AASDH: variants seen among roughly 807,000 people sequenced by gnomAD.
AASDH encodes beta-alanine-activating enzyme.
AASDH carries 81 observed loss-of-function variants against 102.3 expected under a neutral mutation model. That is an observed-to-expected ratio of 0.79 (90% confidence interval 0.66 to 0.95). The LOEUF (loss-of-function observed/expected upper bound fraction) is 0.95. Ranked by LOEUF, AASDH falls within the 40% of genes least tolerant of loss-of-function variation. The pLI, the probability that AASDH is intolerant of heterozygous loss-of-function variation, is 0.00. For missense variants in AASDH, 1,203 were observed against 1,266.2 expected (o/e 0.95, Z 0.76); for synonymous variants, 398 against 454.0 (o/e 0.88, Z 1.57).
At chr4:56,381,649 T>TCACACGCACACACACA (rs1752969933) in intron 3 of AASDH, 2 of 142,304 alleles carry the variant, frequency 1.4e-5, no homozygotes, top group African/African-American at 5.3e-5. Flanking sequence ...TTGACACTTC[T>TCACACGCACACACACA]CACACACACA....
intron 1 of AASDH, among the ~76,000 whole-genome samples, chr4:56,385,781 T>C (rs1410853670): frequency 2.0e-5 from 3 of 151,730 alleles, no homozygotes; most frequent in Admixed American, 2.0e-4. Context: ...TTTTTGTTAT[T>C]TTTTTTTAAG....
intron 5 of AASDH, among the ~76,000 whole-genome samples, chr4:56,358,163 A>ATG (rs994518537): frequency 6.6e-6 from 1 of 152,008 alleles, no homozygotes; most frequent in Non-Finnish European, 1.5e-5. Flanking sequence ...ATATATATAT[A>ATG]GAAATACAAT....
intron 11 of AASDH, among the ~76,000 whole-genome samples, chr4:56,346,907 G>T (rs1199032672): frequency 6.6e-6 from 1 of 151,988 alleles, no homozygotes; most frequent in East Asian, 1.9e-4. Flanking sequence ...GCCAGGTGTG[G>T]TGGTGTATCT....
At chr4:56,350,978 G>A (rs769918552) in intron 10 of AASDH, among the ~76,000 whole-genome samples, 2 of 152,156 alleles carry the variant, frequency 1.3e-5, no homozygotes, top group Non-Finnish European at 2.9e-5. Flanking sequence ...TAAGCCCTAA[G>A]TATAACAGAC....
chr4:56,359,713 C>T (rs567818608), intron 5 of AASDH, among the ~76,000 whole-genome samples: 24 of 152,170 alleles, frequency 1.6e-4, no homozygotes, highest in East Asian at 9.7e-4. Flanking sequence ...CATGCACCAC[C>T]GTGCCCAGCT....
At chr4:56,359,040 T>C (rs1227124256) in intron 5 of AASDH, among the ~76,000 whole-genome samples, 2 of 152,150 alleles carry the variant, frequency 1.3e-5, no homozygotes, top group African/African-American at 4.8e-5. Flanking sequence ...AAAGTACTTA[T>C]TGATATACTG....
intron 11 of AASDH, among the ~76,000 whole-genome samples, chr4:56,346,736 G>T (rs923300998): frequency 4.6e-5 from 7 of 152,142 alleles, no homozygotes; most frequent in Non-Finnish European, 7.4e-5. Flanking sequence ...TACACAGAGA[G>T]CAAATGAGGT....
Position 56,345,307 on chromosome 4 carries a change from C to T in AASDH, c.2489-17G>A. 6.2e-7 allele frequency: 1 copy of T among 1,604,692 alleles called. No individual in the cohort carries two copies. Among genetic ancestry groups the T allele is most frequent in the Non-Finnish European group, 8.5e-7 (1 of 1,172,130 alleles). Reference sequence around the variant, plus strand: ...TATAACAGCCTACCAAGAAACAAAGCACAAAAGATTTGATATAGATATATT... The same window carrying T: ...TATAACAGCCTACCAAGAAACAAAGTACAAAAGATTTGATATAGATATATT... On this transcript the variant is annotated splice_polypyrimidine_tract_variant and intron_variant, in intron 11 of 14. Coordinates refer to ENST00000205214, the MANE Select transcript of AASDH (RefSeq NM_181806.4).
intron 13 of AASDH, 51 bp from the exon 14 acceptor site, chr4:56,343,017 G>T (rs1423303471): frequency 1.4e-6 from 2 of 1,459,448 alleles, no homozygotes; most frequent in Non-Finnish European, 9.1e-7. Flanking sequence ...CTACTAATCA[G>T]TTACCCTTTA....
rs895219634 is a variant in AASDH at position 56,384,423 on chromosome 4, A to C, written c.-42-82T>G. 35 of 634,868 alleles carry C rather than the reference A, an allele frequency of 5.5e-5. 1 individual carries two copies. In the South Asian group the frequency reaches 7.2e-4, roughly 13 times the overall value. 39.3% of individuals were successfully genotyped at this position (634,868 alleles called of 1,614,324 possible). Reference sequence around the variant, plus strand: ...GACAGGGAAAAACTTCTCTACAATAATATCTCACAAAAATAATTATATCAA... The same window carrying C: ...GACAGGGAAAAACTTCTCTACAATACTATCTCACAAAAATAATTATATCAA... On this transcript the variant is annotated intron_variant, in intron 1 of 14. Transcript: ENST00000205214.
intron 11 of AASDH, among the ~76,000 whole-genome samples, chr4:56,347,482 G>C (rs1488309533): frequency 2.6e-5 from 4 of 152,190 alleles, no homozygotes; most frequent in Admixed American, 6.5e-5. Context: ...AGAGTAAAAA[G>C]AGAGTTGTAG....
intron 11 of AASDH, among the ~76,000 whole-genome samples, chr4:56,346,593 C>T (rs1372972588): frequency 2.0e-5 from 3 of 152,072 alleles, no homozygotes; most frequent in Non-Finnish European, 4.4e-5. Flanking sequence ...ACACAAGCCC[C>T]AGACTGAGAG....
At chr4:56,343,737 T>C in intron 12 of AASDH, 53 bp from the exon 13 acceptor site, 3 of 1,539,548 alleles carry the variant, frequency 1.9e-6, no homozygotes, top group Non-Finnish European at 2.7e-6. Flanking sequence ...AACAAATCCA[T>C]ATAACCTACC....
intron 9 of AASDH, among the ~76,000 whole-genome samples, chr4:56,352,025 C>A (rs1421711152): frequency 1.3e-5 from 2 of 151,614 alleles, no homozygotes; most frequent in South Asian, 2.1e-4. Flanking sequence ...GCAATTACTG[C>A]ATGTTGAAGT....
At chr4:56,373,069 T>C (rs1387065774) in intron 4 of AASDH, among the ~76,000 whole-genome samples, 2 of 152,218 alleles carry the variant, frequency 1.3e-5, no homozygotes, top group Non-Finnish European at 2.9e-5. Flanking sequence ...TCAGACAAGG[T>C]AAGTAAGAGC....
chr4:56,351,571 A>G, intron 9 of AASDH, 114 bp from the exon 10 acceptor site: 1 of 611,944 alleles, frequency 1.6e-6, no homozygotes, highest in Non-Finnish European at 2.8e-6. Flanking sequence ...GAAATCATAT[A>G]AAGAGTTTGT....
chr4:56,369,760 C>T (rs776557296), intron 5 of AASDH, among the ~76,000 whole-genome samples: 1 of 151,620 alleles, frequency 6.6e-6, no homozygotes, highest in Non-Finnish European at 1.5e-5. Context: ...GCCATCATCA[C>T]AAAATGCTGT....
Position 56,349,755 on chromosome 4 carries a change from T to C in AASDH, c.1996A>G (p.Ile666Val), listed in dbSNP as rs773718786. Reference protein sequence around the residue: ...ASGTSLHQKAIMTFTCHNEIN... With the variant: ...ASGTSLHQKAVMTFTCHNEIN... The stretch of plus-strand genomic sequence containing the variant: ...TCATTGTGGCAAGTGAAAGTCATGA[T>C]GGCTTTCTGATGTAAAGATGTTCCA... Residue 666 changes from isoleucine to valine, a missense_variant, in exon 11 of 15, where the codon ATC becomes GTC. Physicochemically the swap from Ile to Val is conservative, Grantham distance 29. Coordinates refer to ENST00000205214, the MANE Select transcript of AASDH (RefSeq NM_181806.4). 1.2e-6 allele frequency: 2 copies of C among 1,614,110 alleles called. No individual in the cohort carries two copies. Among genetic ancestry groups the C allele is most frequent in the East Asian group, 4.5e-5 (2 of 44,894 alleles).
intron 11 of AASDH, among the ~76,000 whole-genome samples, chr4:56,345,506 G>A (rs939510229): frequency 1.4e-4 from 21 of 152,122 alleles, no homozygotes; most frequent in Non-Finnish European, 2.9e-4. Flanking sequence ...TCTTTTAAAA[G>A]TACTTCACTA....
Sources: allele counts gnomAD v4.1 joint callset (sites outside exome capture counted in the v4.1 genomes callset), GRCh38; gene constraint gnomAD v4.1.1; transcripts MANE v1.5; gene names NCBI Gene and HGNC (gene_info 2026-07-23, HGNC 2026-07-21).